The following KLHL6 variants were observed in gnomAD, a reference collection of about 807,000 sequenced individuals.
KLHL6 encodes the protein kelch-like protein 6.
A neutral mutation model predicts 58.6 loss-of-function variants in KLHL6; 41 were observed. The observed-to-expected ratio is 0.70, with a 90% CI of 0.55 to 0.91. The LOEUF is 0.91. Among genes scored for constraint, KLHL6 ranks in the 40% least tolerant of loss-of-function variants. KLHL6 has a pLI of 0.00. For synonymous variants in KLHL6, 338 were observed against 322.7 expected (o/e 1.05, Z -0.51); for missense variants, 714 against 805.6 (o/e 0.89, Z 1.38).
chr3:183,534,894 ATATGTATG>A (rs1005766726), intron 1 of KLHL6, among the ~76,000 whole-genome samples: 6 of 149,832 alleles, frequency 4.0e-5, no homozygotes, highest in African/African-American at 1.2e-4. Flanking sequence ...ATATATGTAT[ATATGTATG>A]TATGTATGTA....
chr3:183,549,580 C>T (rs1170365272), intron 1 of KLHL6, among the ~76,000 whole-genome samples: 1 of 152,202 alleles, frequency 6.6e-6, no homozygotes, highest in Non-Finnish European at 1.5e-5. Context: ...ATGATCTTGG[C>T]TCACTGCAAC....
intron 1 of KLHL6, among the ~76,000 whole-genome samples, chr3:183,540,699 C>T (rs1199372798): frequency 6.6e-6 from 1 of 152,152 alleles, no homozygotes; most frequent in South Asian, 2.1e-4. Flanking sequence ...CCACCACACC[C>T]GGCCCCATTG....
At chr3:183,534,950 A>ATTTTTTT (rs1314848457) in intron 1 of KLHL6, among the ~76,000 whole-genome samples, 2 of 96,756 alleles carry the variant, frequency 2.1e-5, no homozygotes, top group African/African-American at 6.1e-5. Flanking sequence ...ATATATATAT[A>ATTTTTTT]TTTTTTTTTT....
At chr3:183,508,606 A>T in intron 2 of KLHL6, 98 bp from the exon 3 acceptor site, 1 of 1,000,660 alleles carries the variant, frequency 1.0e-6, no homozygotes, top group Non-Finnish European at 1.5e-6. Context: ...ATTGGAAACA[A>T]CCTAAATGTC....
At chr3:183,555,042 C>G (rs1713059064) in intron 1 of KLHL6, among the ~76,000 whole-genome samples, 1 of 151,954 alleles carries the variant, frequency 6.6e-6, no homozygotes, top group South Asian at 2.1e-4. Flanking sequence ...TGCATGCCTG[C>G]AAATCCCAGC....
In KLHL6 at chr3:183,499,814, C is replaced by G. The variant is rs79021441; in HGVS notation, c.923G>C (p.Arg308Pro). 1 of 1,578,414 alleles carries G rather than the reference C, an allele frequency of 6.3e-7. No homozygotes were observed. Among genetic ancestry groups the G allele is most frequent in the African/African-American group, 1.4e-5 (1 of 73,672 alleles). The change falls in exon 4 of 7, where the codon CGC becomes CCC. Residue 308 changes from arginine (R) to proline (P), a missense_variant. Coordinates refer to ENST00000341319, the MANE Select transcript of KLHL6 (RefSeq NM_130446.4). This position sits in a 1 kb window ranked among gnomAD's most constrained non-coding sequence, Gnocchi z 4.6. Reference sequence around the variant, plus strand: ...GAACTCATGCATCCTGGGCTTGGTGCGTTCCGAAATGATCTGGAAATCGAT... The same window carrying G: ...GAACTCATGCATCCTGGGCTTGGTGGGTTCCGAAATGATCTGGAAATCGAT... ...HLSGNEIISE[R>P]TKPRMHEFQS...
intron 2 of KLHL6, among the ~76,000 whole-genome samples, chr3:183,527,256 G>A (rs1420173361): frequency 6.6e-6 from 1 of 152,178 alleles, no homozygotes; most frequent in African/African-American, 2.4e-5. Flanking sequence ...ATGATCAATA[G>A]CTATGACTAA....
In KLHL6 at chr3:183,551,431, C is replaced by T. The variant is rs540996180; in HGVS notation, c.293+3930G>A. Among the ~76,000 whole-genome samples the T allele has an allele frequency of 3.3e-5, 5 of 152,156 alleles. No individual in the cohort carries two copies. In the South Asian group the frequency reaches 1.0e-3, roughly 32 times the overall value. On this transcript the variant is annotated intron_variant, in intron 1 of 6. Coordinates refer to ENST00000341319, the MANE Select transcript of KLHL6 (RefSeq NM_130446.4). ...TTTGTGAGCCTGTGAGCAAAAGACA[C>T]CCCAAAACAAAGCAAATGAAAAAAT...
intron 2 of KLHL6, among the ~76,000 whole-genome samples, chr3:183,511,670 A>G (rs138209024): frequency 6.4e-4 from 98 of 152,300 alleles, no homozygotes; most frequent in African/African-American, 2.2e-3. Flanking sequence ...GAGAATGGCA[A>G]TGACTTTTAC....
At chr3:183,549,266 G>T (rs1163544607) in intron 1 of KLHL6, among the ~76,000 whole-genome samples, 1 of 152,210 alleles carries the variant, frequency 6.6e-6, no homozygotes, top group Non-Finnish European at 1.5e-5. Context: ...ATGTGTTGAG[G>T]ATTGCTGCTG....
intron 1 of KLHL6, among the ~76,000 whole-genome samples, chr3:183,538,132 G>T (rs746383116): frequency 6.6e-6 from 1 of 152,100 alleles, no homozygotes; most frequent in Non-Finnish European, 1.5e-5. Context: ...TCACACTCCC[G>T]AGTCCAGGGC....
chr3:183,522,590 A>G (rs528334047), intron 2 of KLHL6: 3 of 152,328 alleles, frequency 2.0e-5, no homozygotes, highest in Admixed American at 6.5e-5. Context: ...GTCTCTGTCC[A>G]TGACAACAGA....
At chr3:183,506,957 GC>G (rs1211817833) in intron 3 of KLHL6, among the ~76,000 whole-genome samples, 1 of 152,180 alleles carries the variant, frequency 6.6e-6, no homozygotes, top group African/African-American at 2.4e-5. Flanking sequence ...GAAGAGAAAA[GC>G]ATTTGAACAA....
At chr3:183,543,024 G>A (rs1712604649) in intron 1 of KLHL6, among the ~76,000 whole-genome samples, 1 of 152,188 alleles carries the variant, frequency 6.6e-6, no homozygotes, top group Admixed American at 6.5e-5. Flanking sequence ...TGGGTGAGGT[G>A]GCTCAAGCCT....
In KLHL6 at chr3:183,491,902, G is replaced by A. The variant is rs199972518; in HGVS notation, c.*25C>T. ...AGGCGGGTACGCTGAGGGTCGGGGG[G>A]GCTCTCCAGCTCCCCATCCTGCCGT... On this transcript the variant is annotated 3_prime_UTR_variant, in exon 7 of 7. Coordinates refer to ENST00000341319, the MANE Select transcript of KLHL6 (RefSeq NM_130446.4). The A allele has an allele frequency of 1.1e-5, 16 of 1,458,410 alleles. No individual in the cohort carries two copies. Among genetic ancestry groups the A allele is most frequent in the Admixed American group, 5.1e-5 (2 of 38,962 alleles). The allele number at this position is 1,458,410 out of a possible 1,614,324, so 90.3% of individuals were successfully genotyped here.
At chr3:183,523,532 T>C (rs1280941751) in intron 2 of KLHL6, among the ~76,000 whole-genome samples, 1 of 152,164 alleles carries the variant, frequency 6.6e-6, no homozygotes, top group Non-Finnish European at 1.5e-5. Context: ...TTTCTTCTCC[T>C]AAGTTGCTGC....
rs923529156 is a variant in KLHL6 at position 183,499,115 on chromosome 3, G to A, written c.1147+475C>T. Among the ~76,000 whole-genome samples the A allele has an allele frequency of 6.6e-6, 1 of 152,224 alleles. No homozygotes were observed. The highest frequency in any genetic ancestry group is 2.4e-5 in the African/African-American group (1 of 41,448). On this transcript the variant is annotated intron_variant, in intron 4 of 6. Transcript: ENST00000341319. This position sits in a 1 kb window ranked among gnomAD's most constrained non-coding sequence, Gnocchi z 4.6. ...CCAGCACTTTGGGAGGCCGAAGCTG[G>A]TGCATCACCTATGGTCAGGAGTTCA...
intron 1 of KLHL6, among the ~76,000 whole-genome samples, chr3:183,529,324 A>AT (rs59900314): frequency 2.1e-3 from 309 of 146,734 alleles, no homozygotes; most frequent in African/African-American, 5.6e-3. Context: ...AGATATAGAG[A>AT]TTTTTTTTTT....
At chr3:183,534,090 CT>C (rs1712258893) in intron 1 of KLHL6, among the ~76,000 whole-genome samples, 1 of 131,078 alleles carries the variant, frequency 7.6e-6, no homozygotes, top group African/African-American at 2.8e-5. Context: ...AAGTACTTTA[CT>C]TTTAAAGTAC....
Sources: gnomAD v4.1 joint callset for allele counts (sites outside exome capture counted in the v4.1 genomes callset) on GRCh38, gnomAD v4.1.1 for gene constraint, Gnocchi (gnomAD v3.1) non-coding constraint, MANE v1.5 for transcripts, NCBI Gene and HGNC (gene_info 2026-07-23, HGNC 2026-07-21) for gene names.